The following PCDHA2 variants were observed in gnomAD, a reference collection of about 807,000 sequenced individuals.
The protein encoded by PCDHA2 is protocadherin alpha 2.
Under a neutral mutation model 66.0 loss-of-function variants are expected in PCDHA2, and 58 were observed. The ratio of observed to expected loss-of-function variants is 0.88; its 90% CI spans 0.71 to 1.09. PCDHA2 has a LOEUF of 1.09. PCDHA2 is among the 50% of genes least tolerant of loss of function. PCDHA2 has a pLI of 0.00. For synonymous variants in PCDHA2, 634 were observed against 554.0 expected (o/e 1.14, Z -2.03); for missense variants, 1,267 against 1,242.3 (o/e 1.02, Z -0.30).
intron 1 of PCDHA2, chr5:140,824,227 TACACAAATATTGTG>T: frequency 6.5e-7 from 1 of 1,544,522 alleles, no homozygotes; most frequent in Non-Finnish European, 8.9e-7. Flanking sequence ...TATGTCTTAG[TACACAAATATTGTG>T]GTACACAATT....
chr5:140,856,036 A>T (rs1554148102), intron 1 of PCDHA2: 1 of 1,567,408 alleles, frequency 6.4e-7, no homozygotes, highest in African/African-American at 1.4e-5. Context: ...TTGTAAAACA[A>T]GAGAAGGATA....
chr5:140,840,155 G>C (rs2150303964), intron 1 of PCDHA2, among the ~76,000 whole-genome samples: 1 of 152,102 alleles, frequency 6.6e-6, no homozygotes, highest in East Asian at 1.9e-4. Flanking sequence ...CGTGAAAGGA[G>C]AGATGGGATG....
At chr5:140,806,786 A>G (rs781855345) in intron 1 of PCDHA2, 22 of 198,436 alleles carry the variant, frequency 1.1e-4, no homozygotes, top group Non-Finnish European at 2.3e-4. Context: ...CCTGTGTTGA[A>G]AAAATTATTT....
intron 1 of PCDHA2, 44 bp downstream of exon 1, chr5:140,797,396 T>A (rs914596137): frequency 9.5e-6 from 15 of 1,572,874 alleles, no homozygotes; most frequent in Middle Eastern, 1.7e-4. Context: ...ATTGTTCTTT[T>A]TAAAAAATTC....
chr5:140,877,531 G>C, intron 1 of PCDHA2: 1 of 1,613,792 alleles, frequency 6.2e-7, no homozygotes, highest in Non-Finnish European at 8.5e-7. Context: ...AGTGGGCGCT[G>C]TGGATCCCGA....
chr5:140,874,158 G>T (rs986617459), intron 1 of PCDHA2, among the ~76,000 whole-genome samples: 8 of 152,108 alleles, frequency 5.3e-5, no homozygotes, highest in African/African-American at 1.7e-4. Context: ...GCCATTCTTG[G>T]TTACTCTTTC....
intron 1 of PCDHA2, chr5:140,926,536 G>T (rs1420585785): frequency 4.6e-6 from 1 of 217,790 alleles, no homozygotes. Flanking sequence ...CGCAGCCAGC[G>T]TGGTGGTCGA....
At chr5:140,943,893 A>AT (rs1364551909) in intron 1 of PCDHA2, among the ~76,000 whole-genome samples, 3 of 152,226 alleles carry the variant, frequency 2.0e-5, no homozygotes, top group Non-Finnish European at 4.4e-5. Flanking sequence ...ACTGGTCATT[A>AT]TGATGTCATG....
intron 1 of PCDHA2, chr5:140,862,055 T>A (rs562841635): frequency 6.4e-6 from 1 of 155,712 alleles, no homozygotes; most frequent in East Asian, 1.9e-4. Context: ...ATTGTTTCTT[T>A]GCAACTGATG....
intron 1 of PCDHA2, chr5:140,842,909 C>T: frequency 6.3e-7 from 1 of 1,594,530 alleles, no homozygotes; most frequent in Non-Finnish European, 8.6e-7. Flanking sequence ...GGAGCTAGAG[C>T]TGCTGCAGTT....
At chr5:140,830,546 A>G (rs2150187698) in intron 1 of PCDHA2, 3 of 1,142,724 alleles carry the variant, frequency 2.6e-6, no homozygotes, top group Non-Finnish European at 3.5e-6. Flanking sequence ...TGTTTTCCTC[A>G]TATTTGTCTT....
At chr5:140,877,471 G>T (rs2057146762) in intron 1 of PCDHA2, 1 of 1,613,828 alleles carries the variant, frequency 6.2e-7, no homozygotes, top group South Asian at 1.1e-5. Flanking sequence ...CACGGTGCTG[G>T]TGTCGCTGGT....
chr5:140,871,966 C>G (rs1210672603), intron 1 of PCDHA2, among the ~76,000 whole-genome samples: 2 of 152,204 alleles, frequency 1.3e-5, no homozygotes, highest in African/African-American at 4.8e-5. Context: ...AGGAGGTCTT[C>G]CTATGATGTC....
At chr5:140,831,927 A>G (rs1415813299) in intron 1 of PCDHA2, among the ~76,000 whole-genome samples, 1 of 152,160 alleles carries the variant, frequency 6.6e-6, no homozygotes, top group African/African-American at 2.4e-5. Context: ...ATTTGCTACT[A>G]GTTTTCCGAA....
rs1554119497 is a variant in PCDHA2 at position 140,795,576 on chromosome 5, A to G, written c.612A>G (p.Glu204=). The change falls in exon 1 of 4, where the codon GAA becomes GAG. Residue 204 remains glutamate (E), a synonymous_variant. Coordinates refer to ENST00000526136, the MANE Select transcript of PCDHA2 (RefSeq NM_018905.3). ...LVLGKSLDRE[E]TAEVNLLLVA... Reference sequence around the variant, plus strand: ...TGGGGAAATCGCTGGACAGAGAGGAAACTGCTGAGGTTAATTTGTTACTGG... The same window carrying G: ...TGGGGAAATCGCTGGACAGAGAGGAGACTGCTGAGGTTAATTTGTTACTGG... The G allele has an allele frequency of 6.2e-7, 1 of 1,614,054 alleles. No individual in the cohort carries two copies. The highest frequency in any genetic ancestry group is 8.5e-7 in the Non-Finnish European group (1 of 1,180,034).
chr5:140,834,385 T>C, intron 1 of PCDHA2: 1 of 1,568,318 alleles, frequency 6.4e-7, no homozygotes, highest in South Asian at 1.2e-5. Flanking sequence ...TAATTTGAAA[T>C]GGTGTGCCCG....
At chr5:140,833,124 A>G (rs1436920350) in intron 1 of PCDHA2, among the ~76,000 whole-genome samples, 1 of 152,250 alleles carries the variant, frequency 6.6e-6, no homozygotes, top group Non-Finnish European at 1.5e-5. Flanking sequence ...AGTCATTTGA[A>G]AGCTGTCAAA....
rs781982591 is a variant in PCDHA2 at position 140,796,431 on chromosome 5, G to A, written c.1467G>A (p.Leu489=). ...ATGCGGACGCGCAGGAGAACGCGCTGGTGTCCTACTCGCTGGTGGAGCGGC... is the reference window on the plus strand; with the variant it reads ...ATGCGGACGCGCAGGAGAACGCGCTAGTGTCCTACTCGCTGGTGGAGCGGC... ...AWDADAQENA[L]VSYSLVERRV... The change falls in exon 1 of 4, where the codon CTG becomes CTA. Residue 489 remains leucine, a synonymous_variant. Coordinates refer to ENST00000526136, the MANE Select transcript of PCDHA2 (RefSeq NM_018905.3). 2 of 1,613,688 alleles carry A rather than the reference G, an allele frequency of 1.2e-6. No homozygotes were observed. The highest frequency in any genetic ancestry group is 1.7e-6 in the Non-Finnish European group (2 of 1,179,954).
intron 1 of PCDHA2, chr5:140,870,429 G>T (rs1198109995): frequency 6.2e-7 from 1 of 1,614,238 alleles, no homozygotes; most frequent in African/African-American, 1.3e-5. Flanking sequence ...GGGTATCCGT[G>T]GAGGTGGCCG....
Sources: gnomAD v4.1 joint callset for allele counts (sites outside exome capture counted in the v4.1 genomes callset) on GRCh38, gnomAD v4.1.1 for gene constraint, MANE v1.5 for transcripts, NCBI Gene and HGNC (gene_info 2026-07-23, HGNC 2026-07-21) for gene names.